Variants in THRB observed in about 807,000 individuals in gnomAD.
THRB encodes the protein nuclear receptor subfamily 1 group A member 2.
THRB carries 12 observed loss-of-function variants against 47.8 expected under a neutral mutation model. The ratio of observed to expected loss-of-function variants is 0.25; its 90% CI spans 0.16 to 0.41. The LOEUF (loss-of-function observed/expected upper bound fraction) is 0.41. Among genes scored for constraint, THRB ranks in the 10% least tolerant of loss-of-function variants. The probability of loss-of-function intolerance (pLI) is 1.00; values close to 1 mark genes in which losing one functional copy is unlikely to be tolerated. For missense variants in THRB, 348 were observed against 589.2 expected (o/e 0.59, Z 4.24); for synonymous variants, 218 against 212.2 (o/e 1.03, Z -0.24).
At chr3:24,123,150 AT>A in intron 10 of THRB, 25 bp from the exon 11 acceptor site, 1 of 1,613,814 alleles carries the variant, frequency 6.2e-7, no homozygotes, top group Non-Finnish European at 8.5e-7. Context: ...GAAGATGGAC[AT>A]TGATTCAGAG....
intron 1 of THRB, among the ~76,000 whole-genome samples, chr3:24,443,319 C>G (rs1286111692): frequency 6.6e-6 from 1 of 152,004 alleles, no homozygotes; most frequent in East Asian, 1.9e-4. Context: ...GAAACAACAA[C>G]AGCAAAAATC....
At chr3:24,326,879 C>T (rs1031071543) in intron 2 of THRB, among the ~76,000 whole-genome samples, 1 of 149,998 alleles carries the variant, frequency 6.7e-6, no homozygotes, top group Non-Finnish European at 1.5e-5. Flanking sequence ...ATTCTTCTGC[C>T]TCAGCCTCCT....
intron 3 of THRB, among the ~76,000 whole-genome samples, chr3:24,285,765 C>T (rs1031007872): frequency 1.3e-5 from 2 of 152,084 alleles, no homozygotes; most frequent in Non-Finnish European, 2.9e-5. Context: ...TATTCTTAAC[C>T]TAGAGTAAAA....
At chr3:24,238,438 TGAAA>T (rs1222158369) in intron 3 of THRB, among the ~76,000 whole-genome samples, 2 of 152,008 alleles carry the variant, frequency 1.3e-5, no homozygotes, top group African/African-American at 4.8e-5. Context: ...GACACATGCA[TGAAA>T]AACAACAAAC....
In THRB at chr3:24,448,337, T is replaced by G. The variant is rs1273926511; in HGVS notation, c.-261+46315A>C. Among the ~76,000 whole-genome samples the G allele has an allele frequency of 2.6e-5, 4 of 152,332 alleles. No individual in the cohort carries two copies. The East Asian group carries it at 7.7e-4, about 29-fold the overall frequency. ...CTATTTTTAAAAAATCTTTTAAAAG[T>G]CTCCATTGTAAAAATGATTACTGCT... is the stretch of plus-strand genomic sequence containing the variant. On this transcript the variant is annotated intron_variant, in intron 1 of 10. Coordinates refer to ENST00000646209, the MANE Select transcript of THRB (RefSeq NM_001354712.2).
intron 5 of THRB, among the ~76,000 whole-genome samples, chr3:24,180,038 C>G (rs1429724192): frequency 1.3e-5 from 2 of 152,136 alleles, no homozygotes; most frequent in African/African-American, 4.8e-5. Flanking sequence ...TCCCTGGAAA[C>G]CCATTCAATT....
intron 1 of THRB, among the ~76,000 whole-genome samples, chr3:24,420,636 G>A (rs1051913154): frequency 1.3e-5 from 2 of 151,700 alleles, no homozygotes; most frequent in Admixed American, 1.3e-4. Flanking sequence ...AATTCAAAAC[G>A]AAACCACAAT....
chr3:24,207,588 C>T lies in THRB; in HGVS notation c.23-17254G>A, dbSNP rs140808965. Among the ~76,000 whole-genome samples the T allele has an allele frequency of 8.6e-3, 1,312 of 152,250 alleles. 20 individuals carry two copies. Among genetic ancestry groups the T allele is most frequent in the East Asian group, 0.063 (326 of 5,182 alleles). ...GAGCTCCAAGAAACCCATCACATTA[C>T]CCAGCTGCACAGCCCCATTCCTCCC... On this transcript the variant is annotated intron_variant, in intron 4 of 10. Coordinates refer to ENST00000646209, the MANE Select transcript of THRB (RefSeq NM_001354712.2).
Position 24,224,808 on chromosome 3 carries a change from T to A in THRB, c.22+4130A>T, listed in dbSNP as rs374619823. ...CAAATTTGAGAAGTGGAAGGGGAAC[T>A]AGGGATGAACTGCTTTCACTTTCTC... On this transcript the variant is annotated intron_variant, in intron 4 of 10. Coordinates refer to ENST00000646209, the MANE Select transcript of THRB (RefSeq NM_001354712.2). 7.2e-5 allele frequency among the ~76,000 whole-genome samples: 11 copies of A among 152,322 alleles called. No individual in the cohort carries two copies. In the South Asian group the frequency reaches 1.0e-3, roughly 14 times the overall value.
chr3:24,397,665 AT>A (rs1445480598), intron 1 of THRB, among the ~76,000 whole-genome samples: 2 of 141,732 alleles, frequency 1.4e-5, no homozygotes, highest in East Asian at 4.1e-4. Context: ...CAGTGGTGCT[AT>A]CTGCCTCCTG....
At chr3:24,185,332 A>G (rs772111678) in intron 5 of THRB, among the ~76,000 whole-genome samples, 1 of 152,242 alleles carries the variant, frequency 6.6e-6, no homozygotes, top group Non-Finnish European at 1.5e-5. Context: ...TATAAAAAAT[A>G]CACATGCACA....
At chr3:24,153,418 T>G in intron 5 of THRB, among the ~76,000 whole-genome samples, 1 of 152,188 alleles carries the variant, frequency 6.6e-6, no homozygotes, top group East Asian at 1.9e-4. Flanking sequence ...CCTAAAAAAG[T>G]TAGGTAAACT....
At chr3:24,361,112 C>A (rs998000997) in intron 1 of THRB, among the ~76,000 whole-genome samples, 1 of 152,100 alleles carries the variant, frequency 6.6e-6, no homozygotes, top group Non-Finnish European at 1.5e-5. Flanking sequence ...ACAACAAATT[C>A]AGGTTTTTGA....
chr3:24,311,442 C>A (rs1477219147), intron 2 of THRB, among the ~76,000 whole-genome samples: 1 of 152,150 alleles, frequency 6.6e-6, no homozygotes, highest in Non-Finnish European at 1.5e-5. Context: ...ATAGACTCTT[C>A]CAACCATCTA....
intron 3 of THRB, among the ~76,000 whole-genome samples, chr3:24,275,125 T>C (rs1404888008): frequency 1.3e-5 from 2 of 152,222 alleles, no homozygotes; most frequent in Non-Finnish European, 2.9e-5. Flanking sequence ...AAAACATAAA[T>C]ATTTGTTTGG....
intron 1 of THRB, among the ~76,000 whole-genome samples, chr3:24,488,382 G>A (rs1697623234): frequency 6.6e-6 from 1 of 152,116 alleles, no homozygotes; most frequent in South Asian, 2.1e-4. Flanking sequence ...TATGTATTGA[G>A]GTGTTTGTGC....
intron 1 of THRB, among the ~76,000 whole-genome samples, chr3:24,404,279 G>T (rs1239528616): frequency 6.6e-6 from 1 of 151,934 alleles, no homozygotes; most frequent in Non-Finnish European, 1.5e-5. Context: ...GGATTTTAAT[G>T]TAACAGGGTA....
rs148637849 is a variant in THRB, at chr3:24,293,675, T to C, written c.-43+3551A>G. 4.6e-5 allele frequency among the ~76,000 whole-genome samples: 7 copies of C among 152,342 alleles called. No homozygotes were observed. In the East Asian group the frequency reaches 1.3e-3, roughly 29 times the overall value. Reference sequence around the variant, plus strand: ...GAATTCAGTTCATTCAAATGGAATTTGGGTATAGGGTATAATTTCCTGAGC... The same window carrying C: ...GAATTCAGTTCATTCAAATGGAATTCGGGTATAGGGTATAATTTCCTGAGC... On this transcript the variant is annotated intron_variant, in intron 3 of 10. Transcript: ENST00000646209.
At chr3:24,434,814 T>C (rs1182306232) in intron 1 of THRB, among the ~76,000 whole-genome samples, 2 of 152,172 alleles carry the variant, frequency 1.3e-5, no homozygotes, top group African/African-American at 2.4e-5. Context: ...AAGAAGTTAC[T>C]GTGTTTGGCA....
Sources: gnomAD v4.1 joint callset for allele counts (sites outside exome capture counted in the v4.1 genomes callset) on GRCh38, gnomAD v4.1.1 for gene constraint, MANE v1.5 for transcripts, NCBI Gene and HGNC (gene_info 2026-07-23, HGNC 2026-07-21) for gene names.